Variants in XKRX observed in about 807,000 individuals in gnomAD.
The protein encoded by XKRX is XK-related protein 2.
XKRX carries 11 observed loss-of-function variants against 22.4 expected under a neutral mutation model. That is an observed-to-expected ratio of 0.49 (90% CI 0.31 to 0.81). The LOEUF (loss-of-function observed/expected upper bound fraction) is 0.81, where lower values mean the gene tolerates loss of function less well. Among genes scored for constraint, XKRX ranks in the 40% least tolerant of loss-of-function variants. XKRX has a pLI of 0.05. For synonymous variants in XKRX, 114 were observed against 132.2 expected (o/e 0.86, Z 0.94); for missense variants, 320 against 336.5 (o/e 0.95, Z 0.38).
chrX:100,898,594 C>CA, the XKRX span, among the ~76,000 whole-genome samples: 617 of 85,686 alleles, frequency 7.2e-3, 3 homozygotes, highest in African/African-American at 0.025. Context: ...TAAACAACAA[C>CA]AACAAAAAAA....
chrX:100,929,040 G>T, upstream of XKRX: 1 of 123,078 alleles, frequency 8.1e-6, no homozygotes, highest in Non-Finnish European at 1.6e-5. Context: ...AGGGACAGAA[G>T]CAGAGCGCGC....
the XKRX span, chrX:100,887,743 G>T: frequency 1.3e-6 from 1 of 741,295 alleles, no homozygotes; most frequent in Non-Finnish European, 2.1e-6. Context: ...AGGGGCCAGA[G>T]CTTCTGCCCC....
the XKRX span, among the ~76,000 whole-genome samples, chrX:100,896,703 G>A: frequency 9.0e-6 from 1 of 111,460 alleles, no homozygotes; most frequent in African/African-American, 3.3e-5. Context: ...AGCGGCTCAC[G>A]CCTGTAATAC....
rs2085479969 is a variant in XKRX at position 100,922,876 on chromosome X, A to C, written c.521T>G (p.Ile174Ser). The change falls in exon 2 of 3, where the codon ATC becomes AGC. Residue 174 changes from isoleucine to serine, a missense_variant. By Grantham distance (142) the Ile-to-Ser change is moderately radical. Coordinates refer to ENST00000372956, the MANE Select transcript of XKRX (RefSeq NM_212559.3). The part of the protein sequence containing the change: ...HRNAYKRMSQ[I>S]QAFLGSVPQL... ...GGGCACTGAGCCCAGGAAGGCTTGGATCTGTGACATACGTTTGTAGGCATT... is the reference window on the plus strand; with the variant it reads ...GGGCACTGAGCCCAGGAAGGCTTGGCTCTGTGACATACGTTTGTAGGCATT... 8.3e-7 allele frequency: 1 copy of C among 1,211,171 alleles called. No individual in the cohort carries two copies. The highest frequency in any genetic ancestry group is 1.7e-5 in the African/African-American group (1 of 57,600).
At chrX:100,943,741 G>A in the XKRX span, among the ~76,000 whole-genome samples, 1 of 111,851 alleles carries the variant, frequency 8.9e-6, no homozygotes, top group African/African-American at 3.3e-5. Flanking sequence ...ATAGTTCTGT[G>A]TTGCTACATA....
At chrX:100,953,903 T>TAA in the XKRX span, among the ~76,000 whole-genome samples, 16 of 33,386 alleles carry the variant, frequency 4.8e-4, no homozygotes, top group African/African-American at 8.8e-4. Flanking sequence ...AGTGAGACTC[T>TAA]AAAAAAAAAA....
the XKRX span, among the ~76,000 whole-genome samples, chrX:100,900,809 A>G: frequency 2.9e-5 from 2 of 69,128 alleles, no homozygotes; most frequent in Non-Finnish European, 5.3e-5. Context: ...TTTTTTTTTG[A>G]GACAGAGTCT....
intron 1 of XKRX, among the ~76,000 whole-genome samples, chrX:100,926,280 T>G (rs1190112703): frequency 9.0e-6 from 1 of 111,413 alleles, no homozygotes; most frequent in East Asian, 2.8e-4. Context: ...TCTTCAGAGA[T>G]TTTACCAAGA....
chrX:100,917,677 A>G (rs868620454), intron 2 of XKRX, among the ~76,000 whole-genome samples: 256 of 71,838 alleles, frequency 3.6e-3, no homozygotes, highest in East Asian at 0.012. Context: ...AAGAAAGAAA[A>G]GAAAGAAAGA....
At chrX:100,915,706 G>A (rs1016872749) in intron 2 of XKRX, among the ~76,000 whole-genome samples, 9 of 103,577 alleles carry the variant, frequency 8.7e-5, no homozygotes, top group Non-Finnish European at 1.7e-4. Flanking sequence ...GTGTGTGTGT[G>A]TGCGTGTGTG....
At chrX:100,951,060 G>A in the XKRX span, among the ~76,000 whole-genome samples, 19 of 108,593 alleles carry the variant, frequency 1.7e-4, no homozygotes, top group African/African-American at 6.0e-4. Context: ...TAGTGAAACC[G>A]TGTCTGTACT....
At chrX:100,901,461 C>A in the XKRX span, among the ~76,000 whole-genome samples, 1 of 111,263 alleles carries the variant, frequency 9.0e-6, no homozygotes, top group South Asian at 3.8e-4. Flanking sequence ...ATGCATGCAA[C>A]AACAGAGCCT....
the XKRX span, among the ~76,000 whole-genome samples, chrX:100,901,428 C>T: frequency 1.8e-5 from 2 of 111,312 alleles, no homozygotes; most frequent in Non-Finnish European, 3.8e-5. Context: ...GTCAATTCTC[C>T]AGGAAGACAT....
intron 2 of XKRX, among the ~76,000 whole-genome samples, chrX:100,917,674 AAAAGAAAGAAAG>A (rs1556193930): frequency 1.4e-3 from 35 of 25,412 alleles, no homozygotes; most frequent in Admixed American, 0.012. Flanking sequence ...AGAAAGAAAG[AAAAGAAAGAAAG>A]AAAGAAAGAA....
At chrX:100,957,867 C>T in the XKRX span, among the ~76,000 whole-genome samples, 36 of 111,187 alleles carry the variant, frequency 3.2e-4, no homozygotes, top group African/African-American at 1.2e-3. Flanking sequence ...CTAGGTGGAG[C>T]GGATGGAATG....
In XKRX at chrX:100,922,927, G is replaced by A. The variant is rs1569455627; in HGVS notation, c.470C>T (p.Ser157Phe). ...GCGGTGCATAGCCAGGGTCCGGATGGAGTGGCCCACCTCCCATTCTATCAG... is the reference window on the plus strand; with the variant it reads ...GCGGTGCATAGCCAGGGTCCGGATGAAGTGGCCCACCTCCCATTCTATCAG... Reference protein sequence around the residue: ...EVLIEWEVGHSIRTLAMHRNA... With the variant: ...EVLIEWEVGHFIRTLAMHRNA... Residue 157 changes from serine (S) to phenylalanine (F), a missense_variant, in exon 2 of 3, where the codon TCC (serine) becomes TTC (phenylalanine). Physicochemically the swap from Ser to Phe is radical, Grantham distance 155. Transcript: ENST00000372956. 8.3e-7 allele frequency: 1 copy of A among 1,211,662 alleles called. No homozygotes were observed. Among genetic ancestry groups the A allele is most frequent in the African/African-American group, 1.7e-5 (1 of 57,734 alleles).
chrX:100,950,003 C>T, the XKRX span, among the ~76,000 whole-genome samples: 10 of 110,943 alleles, frequency 9.0e-5, no homozygotes, highest in African/African-American at 2.9e-4. Context: ...GGGCTATAGC[C>T]GAATGAATAT....
intron 2 of XKRX, among the ~76,000 whole-genome samples, chrX:100,916,315 CT>C (rs1392340785): frequency 8.9e-6 from 1 of 111,951 alleles, no homozygotes; most frequent in African/African-American, 3.2e-5. Flanking sequence ...TTTTAGAAAT[CT>C]TTTTCTCTAC....
chrX:100,912,611 C>G (rs1215267558), downstream of XKRX, among the ~76,000 whole-genome samples: 2 of 111,766 alleles, frequency 1.8e-5, no homozygotes, highest in South Asian at 3.7e-4. Context: ...TCAGATTGTT[C>G]ACAATTTCTT....
Sources: allele counts gnomAD v4.1 joint callset (sites outside exome capture counted in the v4.1 genomes callset), GRCh38; gene constraint gnomAD v4.1.1; transcripts MANE v1.5; gene names NCBI Gene and HGNC (gene_info 2026-07-23, HGNC 2026-07-21).